The following AKAP4 variants were observed in gnomAD, a reference collection of about 807,000 sequenced individuals.
AKAP4 encodes A-kinase anchoring protein 4.
In AKAP4, 4 loss-of-function variants were observed where a neutral mutation model predicts 42.6. That is an observed-to-expected ratio of 0.09 (90% CI 0.05 to 0.22). The LOEUF (loss-of-function observed/expected upper bound fraction) is 0.22, where lower values mean the gene tolerates loss of function less well. Ranked by LOEUF, AKAP4 falls within the 10% of genes least tolerant of loss-of-function variation. AKAP4 has a pLI of 1.00. For missense variants in AKAP4, 551 were observed against 630.7 expected, an observed-to-expected ratio of 0.87 and a Z score of 1.35; for synonymous variants, 223 against 233.0, an observed-to-expected ratio of 0.96 and a Z score of 0.39.
At position 50,192,663 on chromosome X, in the gene AKAP4, C is replaced by A; in HGVS notation, c.2050G>T (p.Asp684Tyr). ...EEQCQEHQEL[D>Y]CTSGMKQANG... ...GCTTGCTTCATCCCACTGGTACAGT[C>A]AAGTTCTTGATGCTCCTGGCATTGT... Residue 684 changes from aspartate to tyrosine, a missense_variant, in exon 5 of 6, where the codon GAC becomes TAC. Coordinates refer to ENST00000358526, the MANE Select transcript of AKAP4 (RefSeq NM_003886.3). 8.3e-7 allele frequency: 1 copy of A among 1,211,811 alleles called. No individual in the cohort carries two copies. Among genetic ancestry groups the A allele is most frequent in the Non-Finnish European group, 1.1e-6 (1 of 895,552 alleles).
rs1227599103 is a variant in AKAP4, at chrX:50,190,859, C to T, written c.*101G>A. ...AACTGCTCAAGTGTATTGGGAAATA[C>T]AGTTGTGTATTGTGCAGTTGACTGG... On this transcript the variant is annotated 3_prime_UTR_variant, in exon 6 of 6. Transcript: ENST00000358526. The T allele has an allele frequency of 1.0e-6, 1 of 990,443 alleles. No individual in the cohort carries two copies. The highest frequency in any genetic ancestry group is 3.2e-5 in the East Asian group (1 of 31,441). The allele number at this position is 990,443 out of a possible 1,213,427, so 81.6% of individuals were successfully genotyped here. A position where few individuals can be genotyped will look rare whatever the true frequency, so the allele number is the denominator to read the frequency against.
chrX:50,197,493 C>A, intron 3 of AKAP4, 51 bp downstream of exon 3: 2 of 1,085,436 alleles, frequency 1.8e-6, no homozygotes, highest in Non-Finnish European at 2.5e-6. Context: ...TCACTGATAA[C>A]CCTTCTCAGC....
At chrX:50,198,612 T>A in intron 2 of AKAP4, 45 bp downstream of exon 2, 1 of 1,031,850 alleles carries the variant, frequency 9.7e-7, no homozygotes, top group Non-Finnish European at 1.4e-6. Context: ...TATACCCATA[T>A]GCCAATTTTT....
intron 1 of AKAP4, chrX:50,200,190 C>T (rs1935245753): frequency 2.7e-6 from 2 of 750,620 alleles, no homozygotes; most frequent in South Asian, 1.4e-4. Flanking sequence ...AAGTCCAAGT[C>T]CAAAAGAACT....
rs183292377 is a variant in AKAP4 at position 50,193,390 on chromosome X, A to G, written c.1323T>C (p.Thr441=). 1.9e-5 allele frequency: 23 copies of G among 1,209,847 alleles called. No homozygotes were observed. The East Asian group carries it at 6.5e-4, about 34-fold the overall frequency. Residue 441 remains threonine (T), a synonymous_variant, in exon 5 of 6, where the codon ACT becomes ACC. Coordinates refer to ENST00000358526, the MANE Select transcript of AKAP4 (RefSeq NM_003886.3). ...ATGCATATGACAGACTCTGAGACTT[A>G]GTCTCCTTCTCCTCACCTATAAGGG... The part of the protein sequence containing the change: ...VSALIGEEKE[T]KSQSLSYASL...
In AKAP4 at chrX:50,192,939, T is replaced by C. The variant is rs1291716548; in HGVS notation, c.1774A>G (p.Ser592Gly). The part of the protein sequence containing the change: ...TQYEKCGGGQ[S>G]AKALSVKQLE... ...TGTTTCACTGAAAGTGCTTTGGCACTTTGGCCACCTCCACACTTTTCATAT... is the reference window on the plus strand; with the variant it reads ...TGTTTCACTGAAAGTGCTTTGGCACCTTGGCCACCTCCACACTTTTCATAT... The change falls in exon 5 of 6, where the codon AGT (serine) becomes GGT (glycine). Residue 592 changes from serine (S) to glycine (G), a missense_variant. Physicochemically the swap from Ser to Gly is moderately conservative, Grantham distance 56. Coordinates refer to ENST00000358526, the MANE Select transcript of AKAP4 (RefSeq NM_003886.3). The C allele has an allele frequency of 4.5e-5, 54 of 1,210,153 alleles. 1 individual carries two copies. Among genetic ancestry groups the C allele is most frequent in the Non-Finnish European group, 5.8e-5 (52 of 895,295 alleles).
At chrX:50,200,351 CT>C (rs1475268187) in intron 1 of AKAP4, 1 of 753,437 alleles carries the variant, frequency 1.3e-6, no homozygotes, top group Non-Finnish European at 1.6e-6. Flanking sequence ...GCTGCCACCC[CT>C]GTCAGCTGTT....
intron 1 of AKAP4, among the ~76,000 whole-genome samples, chrX:50,199,237 T>G (rs1454938561): frequency 7.2e-5 from 8 of 111,215 alleles, no homozygotes; most frequent in African/African-American, 2.3e-4. Flanking sequence ...GAAAGTGAAA[T>G]TAGATAAATA....
rs372025415 is a variant in AKAP4, at chrX:50,193,428, G to A, written c.1285C>T (p.Arg429Cys). 1.6e-5 allele frequency: 19 copies of A among 1,210,208 alleles called. No homozygotes were observed. In the Admixed American group the frequency reaches 2.6e-4, roughly 17 times the overall value. The change falls in exon 5 of 6, where the codon CGC (arginine) becomes TGC (cysteine). Residue 429 changes from arginine to cysteine, a missense_variant. Coordinates refer to ENST00000358526, the MANE Select transcript of AKAP4 (RefSeq NM_003886.3). ...ATDIMEAMLK[R>C]LVSALIGEEK... is the part of the protein sequence containing the mutation. ...TCACCTATAAGGGCACTGACCAAGC[G>A]CTTCAGCATGGCCTCCATGATGTCT...
chrX:50,193,055 T>C lies in AKAP4; in HGVS notation c.1658A>G (p.Gln553Arg), dbSNP rs139049075. ...DLIVSALKLIQYHLTQQTKGK... is the reference protein window; with the variant it reads ...DLIVSALKLIRYHLTQQTKGK... The stretch of plus-strand genomic sequence containing the variant: ...CTTAGTCTGCTGGGTCAGATGGTAC[T>C]GGATCAGCTTAAGGGCAGAGACAAT... The change falls in exon 5 of 6, where the codon CAG becomes CGG. Residue 553 changes from glutamine (Q) to arginine (R), a missense_variant. Physicochemically the swap from Gln to Arg is conservative, Grantham distance 43. Transcript: ENST00000358526. 4.7e-4 allele frequency: 569 copies of C among 1,210,313 alleles called. 1 individual carries two copies. In the African/African-American group the frequency reaches 8.7e-3, roughly 18 times the overall value.
At position 50,192,398 on chromosome X, in the gene AKAP4, T is replaced by G; in HGVS notation, c.2315A>C (p.Lys772Thr). Residue 772 changes from lysine to threonine, a missense_variant, in exon 5 of 6, where the codon AAG becomes ACG. By Grantham distance (78) the Lys-to-Thr change is moderately conservative. Transcript: ENST00000358526. ...NNQCSTNSLQ[K>T]QLQAVLQWIA... ...CCACTGCAGGACAGCCTGGAGCTGC[T>G]TCTGCAAGCTATTTGTAGAGCACTG... 1 of 1,207,065 alleles carries G rather than the reference T, an allele frequency of 8.3e-7. No individual in the cohort carries two copies. The highest frequency in any genetic ancestry group is 1.1e-6 in the Non-Finnish European group (1 of 892,929).
intron 1 of AKAP4, 63 bp downstream of exon 1, chrX:50,200,800 G>T: frequency 9.3e-7 from 1 of 1,070,053 alleles, no homozygotes. Flanking sequence ...AGCAGCTTCT[G>T]TAGTTTCACC....
chrX:50,190,960 T>A lies in AKAP4; in HGVS notation c.2565A>T (p.Ter855CysextTer4). ...QLLDWLLANL* is the reference protein window; with the variant it reads ...QLLDWLLANLC ...AGATGAAGAGGAGTCAAGGATCAGCTCACAGGTTAGCGAGCAGCCAGTCCA... is the reference window on the plus strand; with the variant it reads ...AGATGAAGAGGAGTCAAGGATCAGCACACAGGTTAGCGAGCAGCCAGTCCA... Residue 855 changes from the stop codon to cysteine, a stop_lost, in exon 6 of 6, where the codon TGA becomes TGT. Coordinates refer to ENST00000358526, the MANE Select transcript of AKAP4 (RefSeq NM_003886.3). 8.3e-7 allele frequency: 1 copy of A among 1,210,126 alleles called. No homozygotes were observed. Among genetic ancestry groups the A allele is most frequent in the Non-Finnish European group, 1.1e-6 (1 of 895,032 alleles).
intron 1 of AKAP4, 114 bp from the exon 2 acceptor site, chrX:50,198,866 A>G: frequency 7.3e-6 from 4 of 548,266 alleles, no homozygotes; most frequent in Non-Finnish European, 1.2e-5. Context: ...TGTTTCATAT[A>G]TAGGTTTAGG....
At chrX:50,197,914 T>C (rs1453998713) in intron 2 of AKAP4, among the ~76,000 whole-genome samples, 1 of 112,177 alleles carries the variant, frequency 8.9e-6, no homozygotes, top group Non-Finnish European at 1.9e-5. Flanking sequence ...AGAAATGGCT[T>C]GCCCAACTGA....
chrX:50,200,559 G>A (rs1216103893), intron 1 of AKAP4, among the ~76,000 whole-genome samples: 1 of 112,252 alleles, frequency 8.9e-6, no homozygotes, highest in Non-Finnish European at 1.9e-5. Context: ...ATCTCTATGA[G>A]GGTACACACC....
At chrX:50,197,261 TA>T (rs1288148214) in intron 3 of AKAP4, among the ~76,000 whole-genome samples, 1 of 109,705 alleles carries the variant, frequency 9.1e-6, no homozygotes, top group Non-Finnish European at 1.9e-5. Flanking sequence ...TTTTTTTTTT[TA>T]AATAAAAAAA....
At chrX:50,200,394 C>T (rs1935249529) in intron 1 of AKAP4, 2 of 754,744 alleles carry the variant, frequency 2.6e-6, no homozygotes, top group Middle Eastern at 7.6e-4. Flanking sequence ...CTTTCCCCTG[C>T]TGCCTCTGAC....
At position 50,198,771 on chromosome X, in the gene AKAP4, G is replaced by C; in HGVS notation, c.28-19C>G. 1 of 1,152,612 alleles carries C rather than the reference G, an allele frequency of 8.7e-7. No homozygotes were observed. The highest frequency in any genetic ancestry group is 1.8e-5 in the African/African-American group (1 of 56,707). The allele number at this position is 1,152,612 out of a possible 1,213,427, so 95.0% of individuals were successfully genotyped here. A position where few individuals can be genotyped will look rare whatever the true frequency, so the allele number is the denominator to read the frequency against. On this transcript the variant is annotated intron_variant, in intron 1 of 5. Coordinates refer to ENST00000358526, the MANE Select transcript of AKAP4 (RefSeq NM_003886.3). ...CAGACATCTGGAAAGAGAAAGAAAAGAAAGCTGAAATGCTTATATATGGTT... is the reference window on the plus strand; with the variant it reads ...CAGACATCTGGAAAGAGAAAGAAAACAAAGCTGAAATGCTTATATATGGTT...
Sources: gnomAD v4.1 joint callset for allele counts (sites outside exome capture counted in the v4.1 genomes callset) on GRCh38, gnomAD v4.1.1 for gene constraint, MANE v1.5 for transcripts, NCBI Gene and HGNC (gene_info 2026-07-23, HGNC 2026-07-21) for gene names.